FAM13C: variants seen among roughly 807,000 people sequenced by gnomAD.
FAM13C encodes protein FAM13C.
FAM13C carries 37 observed loss-of-function variants against 73.2 expected under a neutral mutation model. That is an observed-to-expected ratio of 0.51 (90% confidence interval 0.39 to 0.67). The LOEUF (loss-of-function observed/expected upper bound fraction) is 0.67, where lower values mean the gene tolerates loss of function less well. Among genes scored for constraint, FAM13C ranks in the 30% least tolerant of loss-of-function variants. The pLI is 0.00. For missense variants in FAM13C, 589 were observed against 715.6 expected (o/e 0.82, Z 2.02); for synonymous variants, 246 against 260.9 (o/e 0.94, Z 0.55).
chr10:59,325,522 C>A (rs534435395), intron 3 of FAM13C, among the ~76,000 whole-genome samples: 3 of 152,152 alleles, frequency 2.0e-5, no homozygotes, highest in Non-Finnish European at 4.4e-5. Context: ...CCCTAGACTT[C>A]GTAGTTGCTT....
intron 13 of FAM13C, chr10:59,251,038 C>A (rs947952712): frequency 1.4e-4 from 22 of 153,546 alleles, no homozygotes; most frequent in African/African-American, 5.1e-4. Context: ...CTTGGGTTGA[C>A]ACAGAAAAAT....
intron 3 of FAM13C, among the ~76,000 whole-genome samples, chr10:59,327,906 G>A (rs1482572626): frequency 1.3e-5 from 2 of 152,208 alleles, no homozygotes; most frequent in African/African-American, 4.8e-5. Flanking sequence ...TAATGTGTCT[G>A]TCAAATGGTC....
At chr10:59,330,243 T>G (rs570121667) in intron 3 of FAM13C, among the ~76,000 whole-genome samples, 2 of 152,320 alleles carry the variant, frequency 1.3e-5, no homozygotes, top group East Asian at 3.9e-4. Context: ...CCAGATCACA[T>G]GACTGAGCTA....
intron 13 of FAM13C, among the ~76,000 whole-genome samples, chr10:59,250,085 CTGT>C (rs1450075373): frequency 1.3e-5 from 2 of 152,038 alleles, no homozygotes; most frequent in Non-Finnish European, 2.9e-5. Context: ...TATGTAATGA[CTGT>C]TTAGATTTAG....
rs369691569 is a variant in FAM13C at position 59,312,468 on chromosome 10, C to T, written c.444-9604G>A. Among the ~76,000 whole-genome samples, 55 of 152,268 alleles carry T rather than the reference C, an allele frequency of 3.6e-4. 1 individual carries two copies. The highest frequency in any genetic ancestry group is 1.2e-3 in the African/African-American group (49 of 41,568). On this transcript the variant is annotated intron_variant, in intron 4 of 13. Transcript: ENST00000618804. ...ATGATATATTAGCTTCCAAGATGTA[C>T]CCCTGAGTACAACACACTACAGTAT...
At chr10:59,251,780 G>T in intron 12 of FAM13C, 104 bp from the exon 13 acceptor site, 3 of 849,210 alleles carry the variant, frequency 3.5e-6, no homozygotes, top group Non-Finnish European at 5.5e-6. Context: ...TGATTGAAAA[G>T]TGTTCCCATC....
intron 5 of FAM13C, among the ~76,000 whole-genome samples, chr10:59,298,498 T>C (rs150178119): frequency 3.0e-4 from 46 of 152,276 alleles, no homozygotes; most frequent in African/African-American, 1.1e-3. Flanking sequence ...TGTATGATGA[T>C]GACATAAGAG....
upstream of FAM13C, chr10:59,362,764 A>T (rs1385608363): frequency 2.2e-6 from 1 of 455,962 alleles, no homozygotes; most frequent in Non-Finnish European, 3.8e-6. Context: ...CGACCTCGCC[A>T]GCCCAGGCGC....
rs1234958895 is a variant in FAM13C at position 59,252,982 on chromosome 10, G to C, written c.1349C>G (p.Ser450Cys). The change falls in exon 12 of 14, where the codon TCT becomes TGT. Residue 450 changes from serine (S) to cysteine (C), a missense_variant. Physicochemically the swap from Ser to Cys is moderately radical, Grantham distance 112. Transcript: ENST00000618804. ...LIPTIQEEED[S>C]DEDRPQGSQQ... ...GCTTCCCTGTGGACGGTCTTCATCAGAGTCCTCTTCCTCCTGCTTATCACA... is the reference window on the plus strand; with the variant it reads ...GCTTCCCTGTGGACGGTCTTCATCACAGTCCTCTTCCTCCTGCTTATCACA... 6.2e-7 allele frequency: 1 copy of C among 1,613,628 alleles called. No homozygotes were observed. The highest frequency in any genetic ancestry group is 8.5e-7 in the Non-Finnish European group (1 of 1,179,934).
At chr10:59,331,915 T>C (rs1852045611) in intron 3 of FAM13C, among the ~76,000 whole-genome samples, 1 of 151,968 alleles carries the variant, frequency 6.6e-6, no homozygotes, top group African/African-American at 2.4e-5. Context: ...AGAGAAACAG[T>C]GTTCATGGAG....
intron 5 of FAM13C, among the ~76,000 whole-genome samples, chr10:59,289,339 C>G (rs1341126075): frequency 6.6e-6 from 1 of 152,132 alleles, no homozygotes; most frequent in Non-Finnish European, 1.5e-5. Flanking sequence ...GTTGGAGACC[C>G]CTGATCTACA....
At chr10:59,356,676 C>T (rs1589736470) in intron 1 of FAM13C, among the ~76,000 whole-genome samples, 1 of 152,252 alleles carries the variant, frequency 6.6e-6, no homozygotes, top group East Asian at 1.9e-4. Flanking sequence ...CAAGGTCGCC[C>T]ATGTGCCATG....
At chr10:59,324,840 T>C (rs936714585) in intron 3 of FAM13C, among the ~76,000 whole-genome samples, 2 of 152,090 alleles carry the variant, frequency 1.3e-5, no homozygotes, top group African/African-American at 4.8e-5. Flanking sequence ...CATGATGCAA[T>C]TGCTCATTAA....
intron 4 of FAM13C, among the ~76,000 whole-genome samples, chr10:59,305,520 A>G (rs2133888222): frequency 6.6e-6 from 1 of 152,370 alleles, no homozygotes; most frequent in East Asian, 1.9e-4. Context: ...CATCCTGAAG[A>G]AAGCATATAT....
Position 59,253,111 on chromosome 10 carries a change from C to T in FAM13C, c.1333-113G>A, listed in dbSNP as rs1841568873. ...AATGCCATGAAAACCAGTAGGTGAC[C>T]CATGTGCCTACTGAGAACTGGGATG... On this transcript the variant is annotated intron_variant, in intron 11 of 13. Transcript: ENST00000618804. 4 of 999,188 alleles carry T rather than the reference C, an allele frequency of 4.0e-6. No individual in the cohort carries two copies. The South Asian group carries it at 4.3e-5, about 11-fold the overall frequency. 61.9% of individuals were successfully genotyped at this position (999,188 alleles called of 1,614,324 possible). A position where few individuals can be genotyped will look rare whatever the true frequency, so the allele number is the denominator to read the frequency against.
chr10:59,317,186 C>T (rs1306384369), intron 4 of FAM13C, among the ~76,000 whole-genome samples: 1 of 150,132 alleles, frequency 6.7e-6, no homozygotes, highest in East Asian at 2.0e-4. Flanking sequence ...AAAAGGAATA[C>T]CTCATTGACA....
intron 5 of FAM13C, among the ~76,000 whole-genome samples, chr10:59,289,712 C>G (rs1846002265): frequency 6.6e-6 from 1 of 152,170 alleles, no homozygotes. Context: ...ACTAACCACC[C>G]ATTTCACTTC....
chr10:59,268,889 C>T (rs1454637131), intron 7 of FAM13C, among the ~76,000 whole-genome samples, 198 bp from the exon 8 acceptor site: 3 of 152,130 alleles, frequency 2.0e-5, no homozygotes, highest in Non-Finnish European at 2.9e-5. Context: ...TGGATGTTGT[C>T]TTGGACTTTA....
At chr10:59,311,511 A>G (rs1848916513) in intron 4 of FAM13C, among the ~76,000 whole-genome samples, 1 of 152,164 alleles carries the variant, frequency 6.6e-6, no homozygotes, top group Admixed American at 6.5e-5. Context: ...TTAGTAAACA[A>G]TGATCAGACA....
Sources: allele counts gnomAD v4.1 joint callset (sites outside exome capture counted in the v4.1 genomes callset), GRCh38; gene constraint gnomAD v4.1.1; transcripts MANE v1.5; gene names NCBI Gene and HGNC (gene_info 2026-07-23, HGNC 2026-07-21).